Variants in IL1RAPL1 observed in about 807,000 individuals in gnomAD.
IL1RAPL1 encodes the protein interleukin-1 receptor accessory protein-like 1.
IL1RAPL1 carries 3 observed loss-of-function variants against 48.4 expected under a neutral mutation model. The ratio of observed to expected loss-of-function variants is 0.06; its 90% CI spans 0.03 to 0.16. The LOEUF is 0.16. IL1RAPL1 is among the 10% of genes least tolerant of loss of function. IL1RAPL1 has a pLI of 1.00. For missense variants in IL1RAPL1, 349 were observed against 530.6 expected (o/e 0.66, Z 3.36); for synonymous variants, 185 against 187.7 (o/e 0.99, Z 0.12).
chrX:29,091,209 C>A (rs1298752227), intron 2 of IL1RAPL1, among the ~76,000 whole-genome samples: 1 of 112,284 alleles, frequency 8.9e-6, no homozygotes, highest in African/African-American at 3.2e-5. Context: ...TAGAGATATG[C>A]TCACCTGCAT....
At chrX:29,010,433 C>T (rs757557706) in intron 2 of IL1RAPL1, among the ~76,000 whole-genome samples, 20 of 111,065 alleles carry the variant, frequency 1.8e-4, no homozygotes, top group South Asian at 3.8e-4. Context: ...GCCTGGTTTC[C>T]GGAGGGTTTT....
chrX:28,712,856 C>G (rs779477704), intron 1 of IL1RAPL1, among the ~76,000 whole-genome samples: 4 of 110,654 alleles, frequency 3.6e-5, no homozygotes, highest in Admixed American at 9.7e-5. Context: ...TTAATAGTAT[C>G]TTAATGCTTT....
At chrX:28,679,828 C>T (rs191547091) in intron 1 of IL1RAPL1, among the ~76,000 whole-genome samples, 1 of 111,579 alleles carries the variant, frequency 9.0e-6, no homozygotes, top group Admixed American at 9.5e-5. Context: ...TGTTTTTATG[C>T]CATCGCCATA....
intron 3 of IL1RAPL1, among the ~76,000 whole-genome samples, chrX:29,295,055 A>G (rs1329958321): frequency 9.0e-6 from 1 of 111,566 alleles, no homozygotes; most frequent in Non-Finnish European, 1.9e-5. Flanking sequence ...GGCATAAGGC[A>G]ATGGGGGGCC....
intron 2 of IL1RAPL1, among the ~76,000 whole-genome samples, chrX:28,861,200 G>A (rs965690711): frequency 1.3e-4 from 14 of 111,452 alleles, no homozygotes; most frequent in African/African-American, 4.2e-4. Context: ...TCAAAAGGGC[G>A]CTCAATATGT....
chrX:29,945,652 G>A (rs1054178753), intron 9 of IL1RAPL1, among the ~76,000 whole-genome samples: 3 of 111,490 alleles, frequency 2.7e-5, no homozygotes, highest in Admixed American at 9.5e-5. Context: ...TTTAAGCTCC[G>A]GTCTAAATGG....
At chrX:29,027,580 T>C (rs1340652544) in intron 2 of IL1RAPL1, among the ~76,000 whole-genome samples, 1 of 111,831 alleles carries the variant, frequency 8.9e-6, no homozygotes, top group Non-Finnish European at 1.9e-5. Context: ...GATTGCATGG[T>C]AAGAGTATAT....
At chrX:29,741,777 C>T (rs983595067) in intron 6 of IL1RAPL1, among the ~76,000 whole-genome samples, 5 of 107,650 alleles carry the variant, frequency 4.6e-5, no homozygotes, top group African/African-American at 1.0e-4. Context: ...AAAAATTAGC[C>T]GGGCATGGTG....
chrX:28,625,737 C>CGTGT (rs112613600), intron 1 of IL1RAPL1, among the ~76,000 whole-genome samples: 1,333 of 99,290 alleles, frequency 0.013, 19 homozygotes, highest in African/African-American at 0.04. Context: ...AATCAAAATG[C>CGTGT]GTGTGTGTGT....
intron 5 of IL1RAPL1, among the ~76,000 whole-genome samples, chrX:29,608,561 T>C (rs956969113): frequency 7.2e-5 from 8 of 111,052 alleles, no homozygotes; most frequent in Non-Finnish European, 1.3e-4. Flanking sequence ...GCGCGGTGGC[T>C]TATGCCTGTA....
chrX:29,249,742 A>G (rs1399592099), intron 2 of IL1RAPL1, among the ~76,000 whole-genome samples: 1 of 111,673 alleles, frequency 9.0e-6, no homozygotes, highest in African/African-American at 3.3e-5. Context: ...AAAAGTGGAG[A>G]GCAAGTCAAA....
rs765832197 is a variant in IL1RAPL1 at position 29,235,967 on chromosome X, CA to C, written c.83-46970del. Among the ~76,000 whole-genome samples the C allele has an allele frequency of 3.5e-3, 395 of 112,157 alleles. 4 individuals carry two copies. The highest frequency in any genetic ancestry group is 0.012 in the African/African-American group (378 of 30,870). ...GAATCAGCCCTGATGCCTCATTGAA[CA>C]TAATGTCGAGAAGCAAGATTTCTGT... is the stretch of plus-strand genomic sequence containing the variant. On this transcript the variant is annotated intron_variant, in intron 2 of 10. Transcript: ENST00000378993.
chrX:29,785,279 A>G (rs1929467779), intron 6 of IL1RAPL1, among the ~76,000 whole-genome samples: 1 of 112,429 alleles, frequency 8.9e-6, no homozygotes, highest in Non-Finnish European at 1.9e-5. Context: ...AGGGAAATGT[A>G]AATTAAAACC....
At chrX:28,679,338 T>TC (rs1346879216) in intron 1 of IL1RAPL1, among the ~76,000 whole-genome samples, 1 of 112,300 alleles carries the variant, frequency 8.9e-6, no homozygotes, top group Non-Finnish European at 1.9e-5. Context: ...GAGTTCCTCA[T>TC]ATATTTTGGA....
intron 5 of IL1RAPL1, among the ~76,000 whole-genome samples, chrX:29,533,113 T>C (rs759879819): frequency 2.1e-4 from 24 of 112,554 alleles, no homozygotes; most frequent in Non-Finnish European, 3.9e-4. Flanking sequence ...CACTGAGATA[T>C]AATTCATACA....
At chrX:29,739,480 C>T (rs1276046069) in intron 6 of IL1RAPL1, among the ~76,000 whole-genome samples, 1 of 111,554 alleles carries the variant, frequency 9.0e-6, no homozygotes, top group East Asian at 2.8e-4. Flanking sequence ...AACTCTCTCT[C>T]TTTCACCCAG....
chrX:29,675,517 C>A (rs954573257), intron 6 of IL1RAPL1, among the ~76,000 whole-genome samples: 4 of 112,530 alleles, frequency 3.6e-5, no homozygotes, highest in Non-Finnish European at 7.5e-5. Flanking sequence ...AGGTATAAAT[C>A]TTTGCAATTC....
At chrX:28,853,485 G>GCT (rs1332409392) in intron 2 of IL1RAPL1, among the ~76,000 whole-genome samples, 1 of 102,526 alleles carries the variant, frequency 9.8e-6, no homozygotes, top group Non-Finnish European at 2.0e-5. Context: ...GTGCATGTGT[G>GCT]TGCGCGCGCA....
At chrX:29,448,041 G>A (rs1057291940) in intron 5 of IL1RAPL1, among the ~76,000 whole-genome samples, 1 of 111,931 alleles carries the variant, frequency 8.9e-6, no homozygotes, top group African/African-American at 3.2e-5. Context: ...AAGGGGCCAG[G>A]ATGGTTGAAG....
Sources: allele counts gnomAD v4.1 joint callset (sites outside exome capture counted in the v4.1 genomes callset), GRCh38; gene constraint gnomAD v4.1.1; transcripts MANE v1.5; gene names NCBI Gene and HGNC (gene_info 2026-07-23, HGNC 2026-07-21).